The following SUSD6 variants were observed in gnomAD, a reference collection of about 807,000 sequenced individuals.
SUSD6 encodes the protein sushi domain containing 6.
Under a neutral mutation model 28.4 loss-of-function variants are expected in SUSD6, and 16 were observed. The ratio of observed to expected loss-of-function variants is 0.56; its 90% CI spans 0.38 to 0.86. SUSD6 has a LOEUF of 0.86. Ranked by LOEUF, SUSD6 falls within the 40% of genes least tolerant of loss-of-function variation. The pLI, the probability that SUSD6 is intolerant of heterozygous loss-of-function variation, is 0.00. For synonymous variants in SUSD6, 147 were observed against 159.6 expected, an observed-to-expected ratio of 0.92 and a Z score of 0.59; for missense variants, 341 against 384.2, an observed-to-expected ratio of 0.89 and a Z score of 0.94.
At chr14:69,674,715 G>C (rs1885882034) in intron 2 of SUSD6, among the ~76,000 whole-genome samples, 1 of 152,042 alleles carries the variant, frequency 6.6e-6, no homozygotes, top group Admixed American at 6.6e-5. Flanking sequence ...TGTTTGTATT[G>C]GCAAGCCAGA....
chr14:69,709,193 G>T, intron 5 of SUSD6, 89 bp downstream of exon 5: 1 of 1,238,032 alleles, frequency 8.1e-7, no homozygotes, highest in East Asian at 2.4e-5. Context: ...TAAATAATTG[G>T]TATATTTTTA....
chr14:69,706,646 A>C (rs538990027), intron 4 of SUSD6, among the ~76,000 whole-genome samples: 1 of 152,058 alleles, frequency 6.6e-6, no homozygotes, highest in African/African-American at 2.4e-5. Context: ...TATTTTTTAT[A>C]GATATGGGTT....
At chr14:69,656,870 A>G (rs977205815) in intron 1 of SUSD6, among the ~76,000 whole-genome samples, 6 of 152,236 alleles carry the variant, frequency 3.9e-5, no homozygotes, top group African/African-American at 1.4e-4. Context: ...AGTTTTGTGT[A>G]CTGTTTGGTG....
At chr14:69,696,435 T>C (rs1168535382) in intron 2 of SUSD6, among the ~76,000 whole-genome samples, 1 of 152,254 alleles carries the variant, frequency 6.6e-6, no homozygotes, top group East Asian at 1.9e-4. Flanking sequence ...TGTATTGACC[T>C]TGCTTTTTCT....
chr14:69,657,852 G>A (rs78125713), intron 1 of SUSD6, among the ~76,000 whole-genome samples: 4,396 of 152,242 alleles, frequency 0.029, 79 homozygotes, highest in Middle Eastern at 0.068. Context: ...CTGAACTAGA[G>A]TGGGTGGGTG....
intron 2 of SUSD6, among the ~76,000 whole-genome samples, chr14:69,686,381 G>A (rs1282445174): frequency 1.3e-5 from 2 of 152,154 alleles, no homozygotes; most frequent in African/African-American, 4.8e-5. Context: ...GTCCTTGCTA[G>A]GGAAGTAGGG....
At chr14:69,625,247 G>A (rs1341552445) in intron 1 of SUSD6, among the ~76,000 whole-genome samples, 4 of 152,176 alleles carry the variant, frequency 2.6e-5, no homozygotes, top group Admixed American at 6.5e-5. Context: ...GATTCTAGAT[G>A]GTTAAGCAGT....
chr14:69,696,989 TTTATAG>T (rs935522005), intron 2 of SUSD6, among the ~76,000 whole-genome samples: 2 of 152,128 alleles, frequency 1.3e-5, no homozygotes, highest in African/African-American at 4.8e-5. Context: ...GCTGAGTGTA[TTTATAG>T]TTATTTCTTG....
Position 69,704,794 on chromosome 14 carries a change from T to C in SUSD6, c.458+52T>C, listed in dbSNP as rs1374298199. On this transcript the variant is annotated intron_variant, in intron 4 of 5. Coordinates refer to ENST00000342745, the MANE Select transcript of SUSD6 (RefSeq NM_014734.4). ...AGACAGGCAGGTGCAAGCATTACTG[T>C]GGGGGCCAGTCTTTGGTGGAGGGTT... is the stretch of plus-strand genomic sequence containing the variant. The C allele has an allele frequency of 6.3e-6, 10 of 1,588,160 alleles. No individual in the cohort carries two copies. The Admixed American group carries it at 1.7e-4, about 27-fold the overall frequency.
chr14:69,701,019 A>G (rs142600726), intron 2 of SUSD6, among the ~76,000 whole-genome samples: 88 of 152,324 alleles, frequency 5.8e-4, no homozygotes, highest in African/African-American at 2.0e-3. Flanking sequence ...CAGAAGCCAT[A>G]AAGAGAATGA....
chr14:69,653,548 G>A (rs1274003285), intron 1 of SUSD6, among the ~76,000 whole-genome samples: 80 of 152,274 alleles, frequency 5.3e-4, no homozygotes, highest in Non-Finnish European at 7.4e-5. Flanking sequence ...GTTCAGATGT[G>A]ATATTCCTTG....
At chr14:69,650,908 G>T (rs1885494950) in intron 1 of SUSD6, among the ~76,000 whole-genome samples, 1 of 152,208 alleles carries the variant, frequency 6.6e-6, no homozygotes, top group Non-Finnish European at 1.5e-5. Flanking sequence ...GAGGGATATG[G>T]ATGGTAGGGA....
Position 69,612,542 on chromosome 14 carries a change from A to G in SUSD6, c.-81+714A>G, listed in dbSNP as rs528149681. ...GGGAGTCGTGGCTGGGGAGCTGCTG[A>G]AGTGGAGAAAAGTTACCCTGGACGA... On this transcript the variant is annotated intron_variant, in intron 1 of 5. Transcript: ENST00000342745. 2.0e-5 allele frequency among the ~76,000 whole-genome samples: 3 copies of G among 152,216 alleles called. No individual in the cohort carries two copies. The East Asian group carries it at 5.8e-4, about 29-fold the overall frequency.
chr14:69,621,647 C>G (rs1310941837), intron 1 of SUSD6, among the ~76,000 whole-genome samples: 2 of 152,222 alleles, frequency 1.3e-5, no homozygotes, highest in African/African-American at 2.4e-5. Flanking sequence ...AGTCAACTTA[C>G]ACATTTGCCT....
chr14:69,690,598 C>A (rs781201009), intron 2 of SUSD6, among the ~76,000 whole-genome samples: 35 of 152,148 alleles, frequency 2.3e-4, no homozygotes, highest in Non-Finnish European at 4.4e-4. Context: ...GGATTTGACT[C>A]CTCACTGTCC....
At chr14:69,624,162 AAGT>A (rs1885080672) in intron 1 of SUSD6, among the ~76,000 whole-genome samples, 3 of 152,224 alleles carry the variant, frequency 2.0e-5, no homozygotes, top group Non-Finnish European at 2.9e-5. Context: ...TTCTATGTTT[AAGT>A]ATGTTTAGAT....
At chr14:69,707,507 A>G (rs1011037769) in intron 4 of SUSD6, among the ~76,000 whole-genome samples, 1 of 152,206 alleles carries the variant, frequency 6.6e-6, no homozygotes, top group Non-Finnish European at 1.5e-5. Flanking sequence ...CACGCCTGTA[A>G]TCCTTTGGGA....
intron 1 of SUSD6, among the ~76,000 whole-genome samples, chr14:69,612,048 A>C (rs1448099459): frequency 6.7e-6 from 1 of 149,730 alleles, no homozygotes; most frequent in Non-Finnish European, 1.5e-5. Context: ...TGGCGCGGCC[A>C]GCCGGCCAGC....
intron 1 of SUSD6, among the ~76,000 whole-genome samples, chr14:69,620,084 G>A (rs1010060361): frequency 3.3e-5 from 5 of 152,216 alleles, no homozygotes; most frequent in African/African-American, 1.2e-4. Flanking sequence ...GCATGCTTGA[G>A]CCATTGCTAG....
Sources: allele counts gnomAD v4.1 joint callset (sites outside exome capture counted in the v4.1 genomes callset), GRCh38; gene constraint gnomAD v4.1.1; transcripts MANE v1.5; gene names NCBI Gene and HGNC (gene_info 2026-07-23, HGNC 2026-07-21).